DOCK9: variants seen among roughly 807,000 people sequenced by gnomAD.
DOCK9 encodes the protein dedicator of cytokinesis 9.
DOCK9 carries 89 observed loss-of-function variants against 263.3 expected under a neutral mutation model. That is an observed-to-expected ratio of 0.34 (90% confidence interval 0.28 to 0.40). The LOEUF (loss-of-function observed/expected upper bound fraction) is 0.40, where lower values mean the gene tolerates loss of function less well. Ranked by LOEUF, DOCK9 falls within the 10% of genes least tolerant of loss-of-function variation. The pLI is 1.00. For missense variants in DOCK9, 2,140 were observed against 2,603.4 expected, an observed-to-expected ratio of 0.82 and a Z score of 3.87; for synonymous variants, 976 against 973.1, an observed-to-expected ratio of 1.00 and a Z score of -0.06.
chr13:98,848,205 C>T (rs1227016195), intron 37 of DOCK9, among the ~76,000 whole-genome samples: 4 of 152,086 alleles, frequency 2.6e-5, no homozygotes, highest in Non-Finnish European at 5.9e-5. Flanking sequence ...GGAGCAGGAA[C>T]AGTCAAAATG....
At chr13:98,857,352 T>C (rs1476001781) in intron 33 of DOCK9, 2 of 152,198 alleles carry the variant, frequency 1.3e-5, no homozygotes, top group African/African-American at 4.8e-5. Context: ...AAAATAAATA[T>C]AGCCAGCCTC....
rs529747464 is a variant in DOCK9 at position 98,887,444 on chromosome 13, G to A, written c.2043+714C>T. Among the ~76,000 whole-genome samples, 71 of 150,472 alleles carry A rather than the reference G, an allele frequency of 4.7e-4. 1 individual carries two copies. The South Asian group carries it at 0.014, about 30-fold the overall frequency. ...ATCCTGGCTAACATGGTGAAACCCC[G>A]TCTCTACTAAAAATACAAAAAATTA... is the stretch of plus-strand genomic sequence containing the variant. On this transcript the variant is annotated intron_variant, in intron 18 of 52. Transcript: ENST00000682017.
intron 2 of DOCK9, among the ~76,000 whole-genome samples, chr13:98,943,124 C>T (rs777116783): frequency 2.5e-4 from 38 of 152,248 alleles, no homozygotes; most frequent in Middle Eastern, 3.2e-3. Context: ...CAGCGCCACA[C>T]TGCTCCTGTC....
At chr13:98,824,593 G>A (rs1278809481) in intron 44 of DOCK9, 89 bp from the exon 45 acceptor site, 2 of 1,196,212 alleles carry the variant, frequency 1.7e-6, no homozygotes, top group Non-Finnish European at 2.5e-6. Flanking sequence ...GTGTTTCTGT[G>A]TTGAATGAAA....
At chr13:99,040,038 A>T (rs368633179) in intron 1 of DOCK9, among the ~76,000 whole-genome samples, 4 of 152,336 alleles carry the variant, frequency 2.6e-5, no homozygotes, top group African/African-American at 9.6e-5. Context: ...CCCAAAACTC[A>T]TATGTTGAAA....
At chr13:98,949,887 A>G in intron 2 of DOCK9, 1 of 482,644 alleles carries the variant, frequency 2.1e-6, no homozygotes, top group African/African-American at 2.0e-5. Context: ...AATTTCATGT[A>G]TGAGGTCTCC....
intron 1 of DOCK9, among the ~76,000 whole-genome samples, chr13:98,974,901 T>C (rs9513520): frequency 0.15 from 22,588 of 151,866 alleles, 2,422 homozygotes; most frequent in East Asian, 0.43. Flanking sequence ...TTACCACCAA[T>C]CATAAGGGCA....
intron 38 of DOCK9, among the ~76,000 whole-genome samples, chr13:98,842,564 T>C (rs2093260587): frequency 6.6e-6 from 1 of 152,242 alleles, no homozygotes; most frequent in Admixed American, 6.5e-5. Context: ...CATAGTGTTA[T>C]TTTATATATA....
intron 1 of DOCK9, among the ~76,000 whole-genome samples, chr13:99,001,593 C>T (rs1339326812): frequency 1.3e-5 from 2 of 152,200 alleles, no homozygotes. Context: ...ACTAAGGTAA[C>T]TCTTGGATTA....
At chr13:98,797,978 C>G (rs915655889) in intron 50 of DOCK9, among the ~76,000 whole-genome samples, 2 of 152,198 alleles carry the variant, frequency 1.3e-5, no homozygotes, top group African/African-American at 4.8e-5. Context: ...ATTGTATAGA[C>G]AGCCATGGGC....
At chr13:98,957,642 AAAG>A (rs1358228137) in intron 1 of DOCK9, among the ~76,000 whole-genome samples, 2 of 152,166 alleles carry the variant, frequency 1.3e-5, no homozygotes, top group African/African-American at 4.8e-5. Context: ...TTAAAAAAAA[AAAG>A]ATTTACTCTT....
chr13:98,998,416 A>C (rs543530870), intron 1 of DOCK9, among the ~76,000 whole-genome samples: 25 of 152,304 alleles, frequency 1.6e-4, no homozygotes, highest in African/African-American at 6.0e-4. Flanking sequence ...TTATGTGTGG[A>C]GCACTCGAAA....
At chr13:98,927,809 C>T (rs1394151977) in intron 3 of DOCK9, among the ~76,000 whole-genome samples, 1 of 151,700 alleles carries the variant, frequency 6.6e-6, no homozygotes, top group African/African-American at 2.4e-5. Context: ...TTAGTAGAGA[C>T]AGGGTTTCAC....
At chr13:99,083,857 G>C (rs967629447) in intron 1 of DOCK9, among the ~76,000 whole-genome samples, 3 of 152,134 alleles carry the variant, frequency 2.0e-5, no homozygotes, top group African/African-American at 7.2e-5. Flanking sequence ...TGAAGTGTGG[G>C]AAGAGCTACT....
At chr13:98,817,450 G>GTTTTTT (rs1566586388) in intron 45 of DOCK9, among the ~76,000 whole-genome samples, 7 of 21,464 alleles carry the variant, frequency 3.3e-4, no homozygotes, top group African/African-American at 1.7e-3. Context: ...AATACACCCA[G>GTTTTTT]CTTTTTTTTT....
At chr13:98,986,069 TA>T (rs1300210571) in intron 1 of DOCK9, among the ~76,000 whole-genome samples, 2 of 152,260 alleles carry the variant, frequency 1.3e-5, no homozygotes, top group African/African-American at 4.8e-5. Context: ...TTTTCCTTTC[TA>T]AATAAAATGC....
At chr13:98,924,462 A>G (rs930082584) in intron 4 of DOCK9, among the ~76,000 whole-genome samples, 1 of 152,206 alleles carries the variant, frequency 6.6e-6, no homozygotes, top group African/African-American at 2.4e-5. Flanking sequence ...TTTGCTTTCA[A>G]TTTTCCCAAA....
At chr13:98,855,820 C>T in intron 34 of DOCK9, 78 bp downstream of exon 34, 1 of 1,562,328 alleles carries the variant, frequency 6.4e-7, no homozygotes, top group Non-Finnish European at 8.8e-7. Context: ...TTAAAAGGCA[C>T]TAGAACATGA....
intron 1 of DOCK9, among the ~76,000 whole-genome samples, chr13:99,066,803 T>C (rs553551536): frequency 9.8e-5 from 15 of 152,290 alleles, no homozygotes; most frequent in African/African-American, 3.6e-4. Context: ...TCCCATCCCA[T>C]CTCTCTAGCC....
Sources: gnomAD v4.1 joint callset for allele counts (sites outside exome capture counted in the v4.1 genomes callset) on GRCh38, gnomAD v4.1.1 for gene constraint, MANE v1.5 for transcripts, NCBI Gene and HGNC (gene_info 2026-07-23, HGNC 2026-07-21) for gene names.